The following PPP3R1 variants were observed in gnomAD, a reference collection of about 807,000 sequenced individuals.
PPP3R1 encodes calcineurin subunit B type 1.
Under a neutral mutation model 22.6 loss-of-function variants are expected in PPP3R1, and 5 were observed. The observed-to-expected ratio is 0.22, with a 90% CI of 0.12 to 0.46. PPP3R1 has a LOEUF of 0.46. Ranked by LOEUF, PPP3R1 falls within the 20% of genes least tolerant of loss-of-function variation. The pLI is 0.99. For synonymous variants in PPP3R1, 56 were observed against 65.2 expected (o/e 0.86, Z 0.68); for missense variants, 61 against 203.2 (o/e 0.30, Z 4.25).
At chr2:68,221,213 C>T (rs573757401) in intron 1 of PPP3R1, among the ~76,000 whole-genome samples, 39 of 152,242 alleles carry the variant, frequency 2.6e-4, no homozygotes, top group Admixed American at 1.3e-3. Flanking sequence ...TGCCTGTAAT[C>T]CCAGCTACTC....
At chr2:68,251,134 A>T (rs1409546262) in intron 1 of PPP3R1, 1 of 152,222 alleles carries the variant, frequency 6.6e-6, no homozygotes, top group Non-Finnish European at 1.5e-5. Flanking sequence ...GATTACAAAG[A>T]GGAAACTAAC....
rs1014328435 is a variant in PPP3R1, at chr2:68,199,270, T to C, written c.44-10580A>G. Among the ~76,000 whole-genome samples, 18 of 152,210 alleles carry C rather than the reference T, an allele frequency of 1.2e-4. 1 individual carries two copies. The highest frequency in any genetic ancestry group is 3.3e-4 in the Admixed American group (5 of 15,288). On this transcript the variant is annotated intron_variant, in intron 2 of 5. Coordinates refer to ENST00000234310, the MANE Select transcript of PPP3R1 (RefSeq NM_000945.4). ...AGCCACCGCTCCCAGACCCATTTCA[T>C]TTTTAATTGTTCTTTACTATTATAT...
intron 2 of PPP3R1, among the ~76,000 whole-genome samples, chr2:68,208,459 C>T (rs1430452370): frequency 1.3e-5 from 2 of 152,148 alleles, no homozygotes; most frequent in Non-Finnish European, 2.9e-5. Flanking sequence ...TGGCTATGTT[C>T]CAATGGCTAT....
intron 2 of PPP3R1, among the ~76,000 whole-genome samples, chr2:68,196,913 C>T (rs570717173): frequency 2.0e-5 from 3 of 152,100 alleles, no homozygotes; most frequent in South Asian, 2.1e-4. Flanking sequence ...TTGGTAGAGA[C>T]GGAATTTCAC....
intron 5 of PPP3R1, among the ~76,000 whole-genome samples, chr2:68,182,876 T>C (rs1674444708): frequency 6.6e-6 from 1 of 152,216 alleles, no homozygotes; most frequent in Non-Finnish European, 1.5e-5. Flanking sequence ...GTAATTATAA[T>C]TCAACCCCTA....
intron 2 of PPP3R1, among the ~76,000 whole-genome samples, chr2:68,198,352 C>CAT (rs1475340966): frequency 1.1e-5 from 1 of 89,708 alleles, no homozygotes; most frequent in African/African-American, 4.3e-5. Flanking sequence ...CATGTATATG[C>CAT]ATATATATGT....
intron 1 of PPP3R1, among the ~76,000 whole-genome samples, chr2:68,234,870 A>T (rs12997705): frequency 0.21 from 32,523 of 152,160 alleles, 3,721 homozygotes; most frequent in Non-Finnish European, 0.25. Context: ...AAGTCCTAGC[A>T]ATGGGACAGT....
chr2:68,246,055 T>C (rs1489179197), intron 1 of PPP3R1, among the ~76,000 whole-genome samples: 1 of 147,354 alleles, frequency 6.8e-6, no homozygotes, highest in Non-Finnish European at 1.5e-5. Flanking sequence ...TTTACTGACT[T>C]TTTCTTTCTT....
chr2:68,214,061 A>G (rs538991510), intron 2 of PPP3R1, among the ~76,000 whole-genome samples: 4 of 152,332 alleles, frequency 2.6e-5, no homozygotes, highest in Admixed American at 1.3e-4. Context: ...CCGTAATTCA[A>G]TAAGTGGTGC....
At chr2:68,240,164 T>A (rs1670092552) in intron 1 of PPP3R1, among the ~76,000 whole-genome samples, 1 of 152,234 alleles carries the variant, frequency 6.6e-6, no homozygotes, top group African/African-American at 2.4e-5. Context: ...ATAACACAAC[T>A]GAGTCTCAGC....
chr2:68,192,503 T>C (rs1201008332), intron 2 of PPP3R1, among the ~76,000 whole-genome samples: 1 of 152,168 alleles, frequency 6.6e-6, no homozygotes, highest in African/African-American at 2.4e-5. Flanking sequence ...GGACATTAAT[T>C]ATAGTTTAGA....
At chr2:68,199,404 G>C (rs1367674961) in intron 2 of PPP3R1, among the ~76,000 whole-genome samples, 3 of 151,950 alleles carry the variant, frequency 2.0e-5, no homozygotes, top group African/African-American at 7.3e-5. Context: ...ATGTCATCTG[G>C]GAATAAAAAC....
At chr2:68,208,774 T>C (rs181151706) in intron 2 of PPP3R1, among the ~76,000 whole-genome samples, 3 of 151,812 alleles carry the variant, frequency 2.0e-5, no homozygotes, top group Admixed American at 2.0e-4. Flanking sequence ...AAATACAAAA[T>C]TAGCCAGGTG....
At chr2:68,210,061 G>A (rs1157895577) in intron 2 of PPP3R1, among the ~76,000 whole-genome samples, 1 of 152,160 alleles carries the variant, frequency 6.6e-6, no homozygotes, top group Admixed American at 6.5e-5. Context: ...TCATCTCAAG[G>A]TAAGATGTCT....
At chr2:68,244,587 C>G (rs529221018) in intron 1 of PPP3R1, among the ~76,000 whole-genome samples, 1 of 152,026 alleles carries the variant, frequency 6.6e-6, no homozygotes, top group Non-Finnish European at 1.5e-5. Context: ...TCCTTTTATC[C>G]TCTTCTTTTT....
At position 68,244,097 on chromosome 2, in the gene PPP3R1, G is replaced by A. The variant is rs999825597; in HGVS notation, c.3+8028C>T. Among the ~76,000 whole-genome samples the A allele has an allele frequency of 4.6e-5, 7 of 152,068 alleles. No homozygotes were observed. In the South Asian group the frequency reaches 1.0e-3, roughly 23 times the overall value. On this transcript the variant is annotated intron_variant, in intron 1 of 5. Transcript: ENST00000234310. Reference sequence around the variant, plus strand: ...CTTTAGGGAAAAAAAATTAACATACGGATCTAAAACATGTTTCCCCTTCCT... The same window carrying A: ...CTTTAGGGAAAAAAAATTAACATACAGATCTAAAACATGTTTCCCCTTCCT...
At chr2:68,193,885 G>A (rs1326169212) in intron 2 of PPP3R1, among the ~76,000 whole-genome samples, 1 of 151,964 alleles carries the variant, frequency 6.6e-6, no homozygotes, top group Admixed American at 6.6e-5. Flanking sequence ...CTAACTTTTG[G>A]CGCCAATTTT....
intron 2 of PPP3R1, among the ~76,000 whole-genome samples, chr2:68,216,299 A>G (rs1488346885): frequency 1.3e-5 from 2 of 152,276 alleles, no homozygotes; most frequent in East Asian, 3.9e-4. Flanking sequence ...TATACATTAA[A>G]GACCTTTTTC....
At chr2:68,249,924 G>C (rs1257446003) in intron 1 of PPP3R1, among the ~76,000 whole-genome samples, 1 of 152,172 alleles carries the variant, frequency 6.6e-6, no homozygotes. Context: ...CAAAGGGTGT[G>C]AAAGTTTTCA....
Sources: allele counts gnomAD v4.1 joint callset (sites outside exome capture counted in the v4.1 genomes callset), GRCh38; gene constraint gnomAD v4.1.1; transcripts MANE v1.5; gene names NCBI Gene and HGNC (gene_info 2026-07-23, HGNC 2026-07-21).